The following NR5A2 variants were observed in gnomAD, a reference collection of about 807,000 sequenced individuals.
The protein encoded by NR5A2 is nuclear receptor subfamily 5 group A member 2, also known as CYP7A promoter-binding factor.
Under a neutral mutation model 62.7 loss-of-function variants are expected in NR5A2, and 26 were observed. The observed-to-expected ratio is 0.41, with a 90% CI of 0.30 to 0.58. The LOEUF is 0.58. NR5A2 is among the 20% of genes least tolerant of loss of function. The pLI, the probability that NR5A2 is intolerant of heterozygous loss-of-function variation, is 0.22. For missense variants in NR5A2, 541 were observed against 669.1 expected (o/e 0.81, Z 2.11); for synonymous variants, 246 against 241.7 (o/e 1.02, Z -0.16).
chr1:200,078,578 G>A (rs1292030000), intron 5 of NR5A2, among the ~76,000 whole-genome samples: 2 of 148,812 alleles, frequency 1.3e-5, no homozygotes, highest in Admixed American at 6.8e-5. Context: ...TCATAATTAA[G>A]ACTATTTCAA....
chr1:200,042,670 G>A (rs1010723783), intron 2 of NR5A2, among the ~76,000 whole-genome samples: 4 of 152,204 alleles, frequency 2.6e-5, no homozygotes, highest in Non-Finnish European at 4.4e-5. Flanking sequence ...AAGAGTGCCC[G>A]GGGGAGTGCG....
intron 5 of NR5A2, among the ~76,000 whole-genome samples, chr1:200,101,106 A>T (rs1665344347): frequency 6.6e-6 from 1 of 152,222 alleles, no homozygotes; most frequent in African/African-American, 2.4e-5. Context: ...ATATCTATAT[A>T]TGCATACATA....
intron 7 of NR5A2, among the ~76,000 whole-genome samples, chr1:200,122,466 T>C (rs1009773070): frequency 3.3e-5 from 5 of 152,344 alleles, no homozygotes; most frequent in African/African-American, 1.2e-4. Flanking sequence ...AGAAATGTAT[T>C]ACATTTGAAG....
chr1:200,117,125 A>C lies in NR5A2; in HGVS notation c.1231-3683A>C, dbSNP rs1040464601. On this transcript the variant is annotated intron_variant, in intron 6 of 7. Transcript: ENST00000367362. ...CATCAGTTTAGAGTATTGCTTCAAT[A>C]TCTCCCTTGAATTTAATGACACAAA... is the stretch of plus-strand genomic sequence containing the variant. Among the ~76,000 whole-genome samples the C allele has an allele frequency of 3.9e-5, 6 of 152,364 alleles. No homozygotes were observed. The East Asian group carries it at 1.2e-3, about 29-fold the overall frequency.
At chr1:200,160,112 G>C (rs1383744175) in intron 7 of NR5A2, among the ~76,000 whole-genome samples, 1 of 152,212 alleles carries the variant, frequency 6.6e-6, no homozygotes, top group African/African-American at 2.4e-5. Context: ...ATGGGCTCTA[G>C]CCTGCCTTCT....
At chr1:200,106,579 C>T (rs911047396) in intron 5 of NR5A2, among the ~76,000 whole-genome samples, 7 of 152,148 alleles carry the variant, frequency 4.6e-5, no homozygotes, top group Admixed American at 2.0e-4. Flanking sequence ...TTGCTAACCA[C>T]TAGTGAGAGG....
rs1667758904 is a variant in NR5A2 at position 200,147,438 on chromosome 1, G to T, written c.1378+26483G>T. On this transcript the variant is annotated intron_variant, in intron 7 of 7. Transcript: ENST00000367362. This position sits in a 1 kb window ranked among gnomAD's most constrained non-coding sequence, Gnocchi z 4.9. ...ATGCAGGCAGCTTATCTGTTTATGG[G>T]GCTGCCTCCTCCAGTACACGGAGAG... The T allele has an allele frequency of 1.9e-6, 1 of 517,250 alleles. No homozygotes were observed. Among genetic ancestry groups the T allele is most frequent in the Non-Finnish European group, 3.7e-6 (1 of 267,596 alleles). The allele number at this position is 517,250 out of a possible 1,614,324, so 32.0% of individuals were successfully genotyped here.
intron 5 of NR5A2, among the ~76,000 whole-genome samples, chr1:200,053,076 C>T (rs1662732431): frequency 6.6e-6 from 1 of 151,844 alleles, no homozygotes; most frequent in Non-Finnish European, 1.5e-5. Flanking sequence ...TATACATCTA[C>T]AAGGTGCAAA....
In NR5A2 at chr1:200,050,662, G is replaced by A. The variant is rs530492145; in HGVS notation, c.1110+1844G>A. Among the ~76,000 whole-genome samples, 331 of 152,230 alleles carry A rather than the reference G, an allele frequency of 2.2e-3. 1 individual carries two copies. Among genetic ancestry groups the A allele is most frequent in the African/African-American group, 7.6e-3 (315 of 41,540 alleles). On this transcript the variant is annotated intron_variant, in intron 5 of 7. Coordinates refer to ENST00000367362, the MANE Select transcript of NR5A2 (RefSeq NM_205860.3). The stretch of plus-strand genomic sequence containing the variant: ...TCCCAGCACTTTGGGAGGCCAAGGC[G>A]GGCGGATCACCTGAGGTCAGGAGTA...
chr1:200,045,706 T>C, intron 4 of NR5A2, 122 bp downstream of exon 4: 2 of 690,262 alleles, frequency 2.9e-6, no homozygotes, highest in Non-Finnish European at 4.5e-6. Flanking sequence ...CCGACAATAC[T>C]GTAAGATCTT....
intron 7 of NR5A2, among the ~76,000 whole-genome samples, chr1:200,168,792 C>T (rs1654034718): frequency 6.6e-6 from 1 of 152,154 alleles, no homozygotes; most frequent in Admixed American, 6.5e-5. Flanking sequence ...ACATGTTCTG[C>T]AACTTCCAGA....
chr1:200,039,900 G>T lies in NR5A2; in HGVS notation c.202+105G>T, dbSNP rs1324671318. On this transcript the variant is annotated intron_variant, in intron 2 of 7. Coordinates refer to ENST00000367362, the MANE Select transcript of NR5A2 (RefSeq NM_205860.3). This position sits in a 1 kb window ranked among gnomAD's most constrained non-coding sequence, Gnocchi z 5.1. ...CCCGCGCGGGCGCGGGAGTAGCCCC[G>T]CTGGGCGCTCGCAGCCGCGGGAGTC... The T allele has an allele frequency of 3.0e-6, 4 of 1,334,252 alleles. No homozygotes were observed. The African/African-American group carries it at 4.7e-5, about 16-fold the overall frequency. The allele number at this position is 1,334,252 out of a possible 1,614,324, so 82.7% of individuals were successfully genotyped here.
chr1:200,103,098 A>T (rs1665463640), intron 5 of NR5A2, among the ~76,000 whole-genome samples: 1 of 150,200 alleles, frequency 6.7e-6, no homozygotes, highest in African/African-American at 2.4e-5. Context: ...TGTGAAGATT[A>T]AATGAGTTCA....
intron 5 of NR5A2, among the ~76,000 whole-genome samples, chr1:200,084,270 T>C (rs1179581592): frequency 1.3e-5 from 2 of 152,130 alleles, no homozygotes; most frequent in African/African-American, 4.8e-5. Context: ...ATCTTAGCAA[T>C]GGAATGTTTC....
rs532977302 is a variant in NR5A2, at chr1:200,164,511, T to C, written c.1379-9452T>C. 2.6e-5 allele frequency among the ~76,000 whole-genome samples: 4 copies of C among 152,158 alleles called. No individual in the cohort carries two copies. The East Asian group carries it at 7.7e-4, about 29-fold the overall frequency. ...ATAGTAAAATATGCACAATGTAAAA[T>C]TTACCATCTTAACCACTTTTCCATA... On this transcript the variant is annotated intron_variant, in intron 7 of 7. Transcript: ENST00000367362.
chr1:200,052,462 A>G (rs1662681922), intron 5 of NR5A2, among the ~76,000 whole-genome samples: 1 of 152,218 alleles, frequency 6.6e-6, no homozygotes, highest in Non-Finnish European at 1.5e-5. Flanking sequence ...CTGGGATTAC[A>G]GACAGGAGCC....
chr1:200,045,613 T>C (rs1450426524), intron 4 of NR5A2, 29 bp downstream of exon 4: 2 of 1,584,302 alleles, frequency 1.3e-6, no homozygotes, highest in African/African-American at 2.7e-5. Context: ...CTACTGCCTA[T>C]TAAAACTCTC....
chr1:200,031,571 C>CTTTT (rs530174677), intron 1 of NR5A2, among the ~76,000 whole-genome samples: 80 of 89,516 alleles, frequency 8.9e-4, no homozygotes, highest in Non-Finnish European at 1.1e-3. Flanking sequence ...TCTTTAACAC[C>CTTTT]TTTTTTTTTT....
chr1:200,045,325 C>T, intron 3 of NR5A2, 118 bp from the exon 4 acceptor site: 1 of 838,702 alleles, frequency 1.2e-6, no homozygotes, highest in Non-Finnish European at 1.7e-6. Context: ...ACCACAGAAC[C>T]ACATAAGGGC....
Sources: allele counts gnomAD v4.1 joint callset (sites outside exome capture counted in the v4.1 genomes callset), GRCh38; gene constraint gnomAD v4.1.1; non-coding constraint Gnocchi (gnomAD v3.1); transcripts MANE v1.5; gene names NCBI Gene and HGNC (gene_info 2026-07-23, HGNC 2026-07-21).